The following RP1 variants were observed in gnomAD, a reference collection of about 807,000 sequenced individuals.
RP1 encodes the protein RP1 axonemal microtubule associated.
RP1 carries 16 observed loss-of-function variants against 14.8 expected under a neutral mutation model. The ratio of observed to expected loss-of-function variants is 1.08; its 90% CI spans 0.73 to 1.65. The LOEUF is 1.65. RP1 is among the 40% of genes most tolerant of loss of function. The pLI is 0.00. For missense variants in RP1, 2,631 were observed against 2,535.0 expected (o/e 1.04, Z -0.81); for synonymous variants, 876 against 883.6 (o/e 0.99, Z 0.15).
intron 17 of RP1, among the ~76,000 whole-genome samples, chr8:54,728,423 A>G (rs753145311): frequency 3.3e-5 from 5 of 152,138 alleles, no homozygotes; most frequent in African/African-American, 4.8e-5. Flanking sequence ...TAGAAAACTT[A>G]TTTTCTACTT....
chr8:54,670,607 G>A (rs1158871371), intron 7 of RP1, among the ~76,000 whole-genome samples: 1 of 129,514 alleles, frequency 7.7e-6, no homozygotes, highest in East Asian at 2.1e-4. Context: ...ATATATGTAT[G>A]TATATGTATA....
chr8:54,783,599 C>T, exon 24 of RP1: 1 of 1,231,464 alleles, frequency 8.1e-7, no homozygotes, highest in Non-Finnish European at 1.0e-6. Context: ...ATGCCGGCAC[C>T]ACGGCAACAG....
At chr8:54,640,400 A>G (rs528009552) in intron 3 of RP1, among the ~76,000 whole-genome samples, 2 of 152,202 alleles carry the variant, frequency 1.3e-5, no homozygotes, top group African/African-American at 4.8e-5. Flanking sequence ...AGATAGTGTA[A>G]ATTTTTCCAA....
At chr8:54,773,768 A>T (rs139096789), downstream of RP1, among the ~76,000 whole-genome samples, 2,581 of 152,306 alleles carry the variant, frequency 0.017, 35 homozygotes, top group Non-Finnish European at 0.024. Context: ...CCATTATACA[A>T]AACTGTTTCA....
At chr8:54,604,042 C>G (rs1294786013) in intron 1 of RP1, among the ~76,000 whole-genome samples, 2 of 152,134 alleles carry the variant, frequency 1.3e-5, no homozygotes, top group Admixed American at 1.3e-4. Context: ...CTTCTCCTGC[C>G]TGATTGCCCT....
intron 15 of RP1, among the ~76,000 whole-genome samples, chr8:54,717,323 A>G (rs1379794924): frequency 1.3e-5 from 2 of 152,198 alleles, no homozygotes; most frequent in Non-Finnish European, 2.9e-5. Context: ...TCTTACGCCA[A>G]CACAATGAGT....
In RP1 at chr8:54,626,221, G is replaced by T. The variant is rs762382791; in HGVS notation, c.2339G>T (p.Arg780Ile). The change falls in exon 4 of 4, where the codon AGA becomes ATA. Residue 780 changes from arginine (R) to isoleucine (I), a missense_variant. Transcript: ENST00000220676. ...VQGLLTKRKS[R>I]SLNKISLGAP... is the part of the protein sequence containing the mutation. Reference sequence around the variant, plus strand: ...GGACTTTTAACCAAAAGAAAATCTAGATCACTAAATAAAATAAGCTTAGGA... The same window carrying T: ...GGACTTTTAACCAAAAGAAAATCTATATCACTAAATAAAATAAGCTTAGGA... 4.1e-5 allele frequency: 66 copies of T among 1,610,218 alleles called. No individual in the cohort carries two copies. Among genetic ancestry groups the T allele is most frequent in the Non-Finnish European group, 5.1e-5 (60 of 1,178,940 alleles).
At chr8:54,787,150 C>CTA (rs1810338801) in intron 24 of RP1, among the ~76,000 whole-genome samples, 1 of 152,106 alleles carries the variant, frequency 6.6e-6, no homozygotes, top group African/African-American at 2.4e-5. Context: ...CCTCTATAGA[C>CTA]TATAGAGTTC....
At chr8:54,584,171 A>T (rs1013864988) in intron 1 of RP1, among the ~76,000 whole-genome samples, 9 of 152,148 alleles carry the variant, frequency 5.9e-5, no homozygotes, top group Non-Finnish European at 1.3e-4. Flanking sequence ...CACTGCTTTG[A>T]ATGTGTCCCA....
intron 24 of RP1, among the ~76,000 whole-genome samples, chr8:54,837,116 G>A (rs1329702800): frequency 2.0e-5 from 3 of 151,024 alleles, no homozygotes; most frequent in Non-Finnish European, 3.0e-5. Flanking sequence ...CAGAGCATAG[G>A]ATTGTCTTAT....
chr8:54,812,332 G>C (rs1341499660), intron 24 of RP1, among the ~76,000 whole-genome samples: 1 of 152,124 alleles, frequency 6.6e-6, no homozygotes, highest in African/African-American at 2.4e-5. Context: ...ATAGAGACAG[G>C]GTTTTGCCAT....
intron 25 of RP1, among the ~76,000 whole-genome samples, chr8:54,841,681 G>A (rs985303098): frequency 6.6e-6 from 1 of 152,152 alleles, no homozygotes; most frequent in Non-Finnish European, 1.5e-5. Flanking sequence ...TGTTGGTTGG[G>A]AGCAGCCCGG....
At chr8:54,683,220 G>C (rs1807477647) in intron 12 of RP1, among the ~76,000 whole-genome samples, 1 of 152,136 alleles carries the variant, frequency 6.6e-6, no homozygotes, top group Admixed American at 6.6e-5. Context: ...AGCATAGTTT[G>C]AAGTAAGGTA....
chr8:54,736,717 A>C (rs1808936630), intron 18 of RP1, among the ~76,000 whole-genome samples: 1 of 152,006 alleles, frequency 6.6e-6, no homozygotes, highest in Non-Finnish European at 1.5e-5. Flanking sequence ...CCAGGAGTGT[A>C]GAGTCTTGTG....
chr8:54,697,390 A>G (rs916942154), intron 12 of RP1, among the ~76,000 whole-genome samples: 12 of 152,066 alleles, frequency 7.9e-5, no homozygotes, highest in Admixed American at 1.3e-4. Context: ...CCCCGTCTCT[A>G]CGAAAAATAC....
intron 27 of RP1, among the ~76,000 whole-genome samples, chr8:54,857,391 G>A (rs990234020): frequency 1.0e-4 from 15 of 146,918 alleles, no homozygotes; most frequent in Non-Finnish European, 1.6e-4. Context: ...AATATTTAAT[G>A]TAGATTTATG....
intron 9 of RP1, chr8:54,679,365 A>T (rs1807370384): frequency 7.0e-7 from 1 of 1,428,078 alleles, no homozygotes; most frequent in Admixed American, 2.0e-5. Context: ...ATAATTGCCA[A>T]TGGTTAATGT....
intron 19 of RP1, chr8:54,754,764 G>A (rs1809457828): frequency 1.4e-6 from 2 of 1,469,378 alleles, no homozygotes; most frequent in Non-Finnish European, 9.0e-7. Context: ...TGAGAAATTG[G>A]AGATGACACA....
chr8:54,779,694 G>A (rs1227469754), intron 23 of RP1, among the ~76,000 whole-genome samples: 1 of 152,102 alleles, frequency 6.6e-6, no homozygotes, highest in Non-Finnish European at 1.5e-5. Flanking sequence ...ACTTCCAATT[G>A]ATAAGAAAAC....
Sources: gnomAD v4.1 joint callset for allele counts (sites outside exome capture counted in the v4.1 genomes callset) on GRCh38, gnomAD v4.1.1 for gene constraint, MANE v1.5 for transcripts, NCBI Gene and HGNC (gene_info 2026-07-23, HGNC 2026-07-21) for gene names.